PRUNE2: variants seen among roughly 807,000 people sequenced by gnomAD.
The protein encoded by PRUNE2 is protein prune homolog 2.
PRUNE2 carries 164 observed loss-of-function variants against 252.0 expected under a neutral mutation model. The ratio of observed to expected loss-of-function variants is 0.65; its 90% CI spans 0.57 to 0.74. PRUNE2 has a LOEUF of 0.74. Among genes scored for constraint, PRUNE2 ranks in the 30% least tolerant of loss-of-function variants. The pLI is 0.00. For missense variants in PRUNE2, 3,495 were observed against 3,711.0 expected, an observed-to-expected ratio of 0.94 and a Z score of 1.51; for synonymous variants, 1,292 against 1,350.2, an observed-to-expected ratio of 0.96 and a Z score of 0.94.
chr9:76,830,509 G>A (rs1296049758), intron 4 of PRUNE2, among the ~76,000 whole-genome samples: 1 of 151,754 alleles, frequency 6.6e-6, no homozygotes, highest in Non-Finnish European at 1.5e-5. Flanking sequence ...AAAACTAGCT[G>A]GGCATGATGG....
intron 6 of PRUNE2, among the ~76,000 whole-genome samples, chr9:76,717,683 C>A (rs909963485): frequency 6.6e-6 from 1 of 152,030 alleles, no homozygotes; most frequent in Non-Finnish European, 1.5e-5. Context: ...ACCACCCCCC[C>A]CACCAGCCAC....
At chr9:76,794,491 T>G (rs903610620) in intron 6 of PRUNE2, among the ~76,000 whole-genome samples, 3 of 151,418 alleles carry the variant, frequency 2.0e-5, no homozygotes, top group Non-Finnish European at 2.9e-5. Context: ...GGCCGGCGCC[T>G]GTAGTCCCAG....
chr9:76,705,555 T>C lies in PRUNE2; in HGVS notation c.6719A>G (p.Gln2240Arg). The change falls in exon 8 of 19, where the codon CAA (glutamine) becomes CGA (arginine). Residue 2240 changes from glutamine (Q) to arginine (R), a missense_variant. Physicochemically the swap from Gln to Arg is conservative, Grantham distance 43. Coordinates refer to ENST00000376718, the MANE Select transcript of PRUNE2 (RefSeq NM_015225.3). ...NVATSIFVTH[Q>R]EPTPEGDGSW... is the part of the protein sequence containing the mutation. ...ACCGTCACCTTCTGGAGTTGGCTCT[T>C]GGTGAGTTACAAAAATGCTAGTTGC... 6.2e-7 allele frequency: 1 copy of C among 1,614,046 alleles called. No individual in the cohort carries two copies. Among genetic ancestry groups the C allele is most frequent in the Non-Finnish European group, 8.5e-7 (1 of 1,179,904 alleles).
intron 6 of PRUNE2, among the ~76,000 whole-genome samples, chr9:76,821,115 T>A (rs935359194): frequency 2.6e-5 from 4 of 152,174 alleles, no homozygotes; most frequent in African/African-American, 7.2e-5. Context: ...CCTAAGTTGG[T>A]CACCTAGACT....
intron 9 of PRUNE2, among the ~76,000 whole-genome samples, chr9:76,661,465 A>G (rs1588292116): frequency 6.6e-6 from 1 of 151,724 alleles, no homozygotes; most frequent in East Asian, 1.9e-4. Context: ...CTGGTCTCAA[A>G]CTCCTGACCT....
At chr9:76,749,328 G>A (rs147965914) in intron 6 of PRUNE2, among the ~76,000 whole-genome samples, 1 of 152,298 alleles carries the variant, frequency 6.6e-6, no homozygotes, top group Non-Finnish European at 1.5e-5. Context: ...GTCCCAAAGT[G>A]CAGACGTTAA....
rs770099160 is a variant in PRUNE2, at chr9:76,708,172, G to A, written c.4102C>T (p.Leu1368=). The A allele has an allele frequency of 1.4e-5, 23 of 1,613,878 alleles. No homozygotes were observed. Among genetic ancestry groups the A allele is most frequent in the Middle Eastern group, 1.6e-4 (1 of 6,084 alleles). Residue 1368 remains leucine, a synonymous_variant, in exon 8 of 19, where the codon CTG becomes TTG. Coordinates refer to ENST00000376718, the MANE Select transcript of PRUNE2 (RefSeq NM_015225.3). Reference sequence around the variant, plus strand: ...ATTTCCTGATGTTCAGATGCAACCAGAGAAGACAGTTCCTGGTCACTCTGC... The same window carrying A: ...ATTTCCTGATGTTCAGATGCAACCAAAGAAGACAGTTCCTGGTCACTCTGC... ...KGQSDQELSS[L]VASEHQEICI...
Position 76,706,823 on chromosome 9 carries a change from C to T in PRUNE2, c.5451G>A (p.Leu1817=), listed in dbSNP as rs1311365282. 1 of 1,599,234 alleles carries T rather than the reference C, an allele frequency of 6.3e-7. No individual in the cohort carries two copies. The highest frequency in any genetic ancestry group is 8.5e-7 in the Non-Finnish European group (1 of 1,172,836). The part of the protein sequence containing the change: ...SFPKNEDNSQ[L]EMLGFSADST... ...TATCAGCTGAGAAGCCCAGCATTTC[C>T]AGTTGAGAATTATCTTCGTTCTTTG... Residue 1817 remains leucine (L), a synonymous_variant, in exon 8 of 19, where the codon CTG becomes CTA. Transcript: ENST00000376718.
chr9:76,675,927 A>AG (rs1380468810), intron 9 of PRUNE2, among the ~76,000 whole-genome samples: 3 of 110,630 alleles, frequency 2.7e-5, no homozygotes, highest in African/African-American at 9.4e-5. Context: ...GGATGGAGGG[A>AG]GGTGGGAGGG....
intron 1 of PRUNE2, among the ~76,000 whole-genome samples, chr9:76,860,659 C>T (rs908323396): frequency 2.8e-4 from 43 of 152,220 alleles, no homozygotes; most frequent in African/African-American, 7.5e-4. Flanking sequence ...TTAATTGAAA[C>T]GAATTTTGTT....
intron 9 of PRUNE2, among the ~76,000 whole-genome samples, chr9:76,656,447 C>A (rs761882258): frequency 6.6e-6 from 1 of 151,986 alleles, no homozygotes; most frequent in Non-Finnish European, 1.5e-5. Flanking sequence ...TAATTTAGTC[C>A]CCTTCTGCCT....
At chr9:76,812,316 T>G (rs1762136320) in intron 6 of PRUNE2, among the ~76,000 whole-genome samples, 2 of 152,224 alleles carry the variant, frequency 1.3e-5, no homozygotes, top group Non-Finnish European at 2.9e-5. Context: ...TTATTTAATT[T>G]TATTTGTCCT....
intron 6 of PRUNE2, among the ~76,000 whole-genome samples, chr9:76,816,163 CAAAAAAA>C (rs71354684): frequency 4.7e-5 from 4 of 84,938 alleles, no homozygotes; most frequent in Non-Finnish European, 9.1e-5. Flanking sequence ...ACTCCATCTC[CAAAAAAA>C]AAAAAAAAAA....
At chr9:76,630,144 T>C (rs1019878079) in intron 15 of PRUNE2, among the ~76,000 whole-genome samples, 2 of 152,176 alleles carry the variant, frequency 1.3e-5, no homozygotes, top group Admixed American at 1.3e-4. Context: ...TACTTATTTG[T>C]TTGTAACAAA....
intron 6 of PRUNE2, chr9:76,739,058 G>C (rs1304982175): frequency 2.0e-5 from 3 of 152,096 alleles, no homozygotes; most frequent in Admixed American, 2.0e-4. Flanking sequence ...AACTGACACG[G>C]GGAGGGAGCT....
At chr9:76,900,599 C>T (rs2063112675) in intron 1 of PRUNE2, among the ~76,000 whole-genome samples, 1 of 152,196 alleles carries the variant, frequency 6.6e-6, no homozygotes, top group Non-Finnish European at 1.5e-5. Flanking sequence ...ATGCTGCCTC[C>T]TGAATACATC....
chr9:76,905,920 C>T lies in PRUNE2; in HGVS notation c.36+8G>A. 6.2e-7 allele frequency: 1 copy of T among 1,614,206 alleles called. No homozygotes were observed. Among genetic ancestry groups the T allele is most frequent in the Non-Finnish European group, 8.5e-7 (1 of 1,180,030 alleles). ...GCGCACACACACAGCTTTGCTCACT[C>T]AACTTACCAGTTTAGATTTGGCGCG... On this transcript the variant is annotated splice_region_variant and intron_variant, in intron 1 of 18. Coordinates refer to ENST00000376718, the MANE Select transcript of PRUNE2 (RefSeq NM_015225.3).
At chr9:76,635,479 A>C (rs1021224953) in intron 15 of PRUNE2, among the ~76,000 whole-genome samples, 21 of 152,162 alleles carry the variant, frequency 1.4e-4, no homozygotes, top group Non-Finnish European at 4.4e-5. Context: ...ATAACAGTAT[A>C]TCATGTGATT....
chr9:76,666,581 C>T (rs1021845264), intron 9 of PRUNE2, among the ~76,000 whole-genome samples: 4 of 152,162 alleles, frequency 2.6e-5, no homozygotes, highest in Admixed American at 2.6e-4. Flanking sequence ...GCCCCCTGTC[C>T]AGTGGACACG....
Sources: gnomAD v4.1 joint callset for allele counts (sites outside exome capture counted in the v4.1 genomes callset) on GRCh38, gnomAD v4.1.1 for gene constraint, MANE v1.5 for transcripts, NCBI Gene and HGNC (gene_info 2026-07-23, HGNC 2026-07-21) for gene names.